The following CSNK2A2IP variants were observed in gnomAD, a reference collection of about 807,000 sequenced individuals.
The protein encoded by CSNK2A2IP is casein kinase II subunit alpha'-interacting protein.
the CSNK2A2IP span, among the ~76,000 whole-genome samples, chr3:88,454,081 T>A: frequency 1.3e-5 from 2 of 152,046 alleles, no homozygotes; most frequent in South Asian, 4.1e-4. Flanking sequence ...TTCCTCCACA[T>A]CTTTGTAACA....
At chr3:88,457,751 A>AAAATAAAATAAAATAAAATAAAATC in the CSNK2A2IP span, among the ~76,000 whole-genome samples, 6 of 148,318 alleles carry the variant, frequency 4.0e-5, no homozygotes, top group South Asian at 2.2e-4. Flanking sequence ...AAAATAAAAT[A>AAAATAAAATAAAATAAAATAAAATC]AAATCTAGTA....
At chr3:88,418,187 A>T in the CSNK2A2IP span, among the ~76,000 whole-genome samples, 1 of 152,134 alleles carries the variant, frequency 6.6e-6, no homozygotes, top group East Asian at 1.9e-4. Context: ...ATTTATTGGT[A>T]ATTTCATTGG....
At chr3:88,404,722 C>G in the CSNK2A2IP span, among the ~76,000 whole-genome samples, 1 of 147,696 alleles carries the variant, frequency 6.8e-6, no homozygotes, top group Non-Finnish European at 1.5e-5. Flanking sequence ...AAGTTGATGT[C>G]TTTTTCTCTT....
the CSNK2A2IP span, among the ~76,000 whole-genome samples, chr3:88,348,614 T>C: frequency 1.3e-5 from 2 of 152,048 alleles, no homozygotes; most frequent in Non-Finnish European, 2.9e-5. Flanking sequence ...AACATTCAGC[T>C]CTCTGTATTG....
the CSNK2A2IP span, among the ~76,000 whole-genome samples, chr3:88,460,633 T>A: frequency 1.2e-4 from 19 of 152,202 alleles, no homozygotes; most frequent in Non-Finnish European, 2.6e-4. Flanking sequence ...ATACTGTAAG[T>A]GTTAAAGCTC....
chr3:88,407,579 T>A, the CSNK2A2IP span, among the ~76,000 whole-genome samples: 1 of 152,122 alleles, frequency 6.6e-6, no homozygotes, highest in East Asian at 1.9e-4. Flanking sequence ...AGGCAAGTGG[T>A]GACAGGTGGC....
At chr3:88,350,734 A>G in the CSNK2A2IP span, among the ~76,000 whole-genome samples, 1 of 152,110 alleles carries the variant, frequency 6.6e-6, no homozygotes, top group Non-Finnish European at 1.5e-5. Context: ...TAAAGAAACC[A>G]TAAAGGGCAC....
chr3:88,449,875 A>ATGGG, the CSNK2A2IP span, among the ~76,000 whole-genome samples: 9 of 88,102 alleles, frequency 1.0e-4, no homozygotes, highest in African/African-American at 3.4e-4. Context: ...ATATATATAT[A>ATGGG]GAGAGAGAGA....
the CSNK2A2IP span, among the ~76,000 whole-genome samples, chr3:88,357,579 A>T: frequency 6.6e-6 from 1 of 152,186 alleles, no homozygotes; most frequent in East Asian, 1.9e-4. Context: ...GAGGTTCCAC[A>T]TAAATTTTAG....
chr3:88,353,691 G>A, the CSNK2A2IP span, among the ~76,000 whole-genome samples: 1 of 152,146 alleles, frequency 6.6e-6, no homozygotes, highest in Non-Finnish European at 1.5e-5. Flanking sequence ...TAATAATGAA[G>A]TATTTCAATT....
chr3:88,380,188 T>C, the CSNK2A2IP span, among the ~76,000 whole-genome samples: 1 of 151,924 alleles, frequency 6.6e-6, no homozygotes, highest in African/African-American at 2.4e-5. Context: ...ATTATAAGGC[T>C]AAAAAACTAT....
chr3:88,467,362 C>G, the CSNK2A2IP span: 1 of 397,136 alleles, frequency 2.5e-6, no homozygotes, highest in Non-Finnish European at 4.4e-6. Context: ...TCCTGTATTC[C>G]GTAAGGTACT....
At chr3:88,402,732 G>C in the CSNK2A2IP span, among the ~76,000 whole-genome samples, 8 of 151,954 alleles carry the variant, frequency 5.3e-5, no homozygotes, top group Non-Finnish European at 1.0e-4. Flanking sequence ...TACATAAAGA[G>C]TATAAAAACA....
chr3:88,457,081 A>T, the CSNK2A2IP span, among the ~76,000 whole-genome samples: 2 of 152,124 alleles, frequency 1.3e-5, no homozygotes, highest in Non-Finnish European at 2.9e-5. Context: ...GCATTTTACC[A>T]TTCTTTTTCT....
chr3:88,459,168 A>G, the CSNK2A2IP span, among the ~76,000 whole-genome samples: 1 of 152,200 alleles, frequency 6.6e-6, no homozygotes, highest in Non-Finnish European at 1.5e-5. Context: ...ACAGGGAAGT[A>G]AAAAATACAA....
chr3:88,446,583 G>A, the CSNK2A2IP span, among the ~76,000 whole-genome samples: 1 of 152,034 alleles, frequency 6.6e-6, no homozygotes, highest in Non-Finnish European at 1.5e-5. Context: ...ATGCATTTTT[G>A]TTTTTCATAG....
At chr3:88,365,111 C>A in the CSNK2A2IP span, among the ~76,000 whole-genome samples, 1 of 152,096 alleles carries the variant, frequency 6.6e-6, no homozygotes, top group Non-Finnish European at 1.5e-5. Context: ...AGAGCCCACA[C>A]ACTTAATCAC....
At chr3:88,432,849 T>C in the CSNK2A2IP span, among the ~76,000 whole-genome samples, 26 of 151,502 alleles carry the variant, frequency 1.7e-4, no homozygotes, top group African/African-American at 6.3e-4. Context: ...GATTAACTGA[T>C]TCCCTGGTCA....
At chr3:88,432,405 G>A in the CSNK2A2IP span, among the ~76,000 whole-genome samples, 2 of 151,508 alleles carry the variant, frequency 1.3e-5, no homozygotes, top group East Asian at 3.9e-4. Flanking sequence ...GAAATCTATG[G>A]CATAAAGTAT....
Sources: gnomAD v4.1 joint callset for allele counts (sites outside exome capture counted in the v4.1 genomes callset) on GRCh38, gnomAD v4.1.1 for gene constraint, MANE v1.5 for transcripts, NCBI Gene and HGNC (gene_info 2026-07-23, HGNC 2026-07-21) for gene names.